The following SPECC1L variants were observed in gnomAD, a reference collection of about 807,000 sequenced individuals.
The protein encoded by SPECC1L is sperm antigen with calponin homology and coiled-coil domains 1 like, also known as cytospin-A.
SPECC1L carries 40 observed loss-of-function variants against 116.8 expected under a neutral mutation model. The ratio of observed to expected loss-of-function variants is 0.34; its 90% CI spans 0.27 to 0.45. The LOEUF (loss-of-function observed/expected upper bound fraction) is 0.45. SPECC1L is among the 20% of genes least tolerant of loss of function. The pLI is 1.00. For missense variants in SPECC1L, 1,110 were observed against 1,373.6 expected, an observed-to-expected ratio of 0.81 and a Z score of 3.03; for synonymous variants, 504 against 500.6, an observed-to-expected ratio of 1.01 and a Z score of -0.09.
intron 3 of SPECC1L, among the ~76,000 whole-genome samples, chr22:24,307,549 C>T (rs1047486606): frequency 6.6e-6 from 1 of 151,704 alleles, no homozygotes; most frequent in Non-Finnish European, 1.5e-5. Context: ...TAATGTAGCT[C>T]AATTTATTAA....
At chr22:24,280,576 CATTTT>C (rs2048922346) in intron 2 of SPECC1L, among the ~76,000 whole-genome samples, 1 of 138,806 alleles carries the variant, frequency 7.2e-6, no homozygotes, top group African/African-American at 2.7e-5. Flanking sequence ...GTTTCAATAA[CATTTT>C]TTTTTTTTTT....
At chr22:24,333,859 A>G (rs905910423) in intron 8 of SPECC1L, among the ~76,000 whole-genome samples, 1 of 152,008 alleles carries the variant, frequency 6.6e-6, no homozygotes, top group African/African-American at 2.4e-5. Flanking sequence ...ACTCAGATGA[A>G]AATGGAATTT....
chr22:24,406,219 C>T (rs2146799739), intron 14 of SPECC1L, among the ~76,000 whole-genome samples: 1 of 152,246 alleles, frequency 6.6e-6, no homozygotes, highest in Non-Finnish European at 1.5e-5. Flanking sequence ...GACAGAGCAC[C>T]AGGCTGCTCC....
intron 10 of SPECC1L, among the ~76,000 whole-genome samples, chr22:24,344,595 A>G (rs2041251647): frequency 2.3e-5 from 1 of 44,334 alleles, no homozygotes; most frequent in South Asian, 4.5e-4. Flanking sequence ...ATAAGACCAA[A>G]AAAAAAAAAA....
chr22:24,290,578 A>T (rs1349071029), intron 2 of SPECC1L, among the ~76,000 whole-genome samples: 1 of 152,198 alleles, frequency 6.6e-6, no homozygotes, highest in African/African-American at 2.4e-5. Flanking sequence ...CTGGATTCAG[A>T]CTGAGCAGAG....
intron 11 of SPECC1L, among the ~76,000 whole-genome samples, chr22:24,352,970 G>A (rs1247367082): frequency 1.3e-5 from 2 of 152,180 alleles, no homozygotes; most frequent in Non-Finnish European, 2.9e-5. Context: ...CACAAAGTAA[G>A]TTATAATCAC....
At chr22:24,275,163 C>T (rs938162706) in intron 1 of SPECC1L, among the ~76,000 whole-genome samples, 5 of 152,256 alleles carry the variant, frequency 3.3e-5, no homozygotes, top group South Asian at 2.1e-4. Flanking sequence ...CACTATGTCT[C>T]GTCTGCGGCC....
chr22:24,365,721 G>T, intron 13 of SPECC1L, 89 bp downstream of exon 13: 1 of 1,457,460 alleles, frequency 6.9e-7, no homozygotes, highest in South Asian at 1.1e-5. Context: ...GATGGCATTT[G>T]AGCACTGTGA....
chr22:24,353,361 G>T (rs183945665), intron 11 of SPECC1L, among the ~76,000 whole-genome samples: 176 of 152,218 alleles, frequency 1.2e-3, no homozygotes, highest in African/African-American at 4.0e-3. Context: ...CAGTTATTTT[G>T]CAGAATGTCT....
chr22:24,293,305 T>G (rs1263775045), intron 2 of SPECC1L, among the ~76,000 whole-genome samples: 2 of 151,440 alleles, frequency 1.3e-5, no homozygotes, highest in African/African-American at 4.9e-5. Context: ...GTACAAAAAT[T>G]AACGGGGCGT....
At chr22:24,411,030 C>CA (rs58337803) in intron 14 of SPECC1L, among the ~76,000 whole-genome samples, 8,715 of 150,166 alleles carry the variant, frequency 0.058, 360 homozygotes, top group Non-Finnish European at 0.09. Context: ...ACTGAAAATA[C>CA]AAAAAAAAAT....
intron 14 of SPECC1L, among the ~76,000 whole-genome samples, chr22:24,390,471 A>G (rs1317924078): frequency 6.6e-6 from 1 of 152,254 alleles, no homozygotes; most frequent in Non-Finnish European, 1.5e-5. Context: ...CTGGCAGTAG[A>G]TAAGAGTTTT....
intron 14 of SPECC1L, among the ~76,000 whole-genome samples, chr22:24,375,559 C>T (rs527256899): frequency 5.3e-4 from 80 of 152,300 alleles, no homozygotes; most frequent in African/African-American, 1.6e-3. Flanking sequence ...GATCATCTCA[C>T]TAGACACTGT....
chr22:24,326,527 G>A (rs529983374), intron 6 of SPECC1L, among the ~76,000 whole-genome samples: 1 of 152,292 alleles, frequency 6.6e-6, no homozygotes, highest in South Asian at 2.1e-4. Flanking sequence ...TTCGTTTGCA[G>A]GTTGAGTCTG....
At chr22:24,361,284 A>G (rs1165484743) in intron 11 of SPECC1L, among the ~76,000 whole-genome samples, 1 of 152,188 alleles carries the variant, frequency 6.6e-6, no homozygotes. Flanking sequence ...CAGCCCTTCA[A>G]GAGGCTGAGG....
At chr22:24,345,401 CATTT>C (rs1311595556) in intron 10 of SPECC1L, among the ~76,000 whole-genome samples, 1 of 151,916 alleles carries the variant, frequency 6.6e-6, no homozygotes, top group Non-Finnish European at 1.5e-5. Context: ...AGACTGCAAA[CATTT>C]ATTAAGATAT....
At chr22:24,365,437 T>C in intron 12 of SPECC1L, 39 bp from the exon 13 acceptor site, 5 of 1,604,574 alleles carry the variant, frequency 3.1e-6, no homozygotes, top group Non-Finnish European at 4.3e-6. Flanking sequence ...CAGTCTAAAA[T>C]GTTTTTGCTA....
At chr22:24,412,355 G>A (rs1166144073) in intron 15 of SPECC1L, 1 of 502,720 alleles carries the variant, frequency 2.0e-6, no homozygotes, top group Non-Finnish European at 3.6e-6. Flanking sequence ...AGCTTTTGGG[G>A]GTGCGTGTTC....
At chr22:24,272,437 C>T (rs1601472182) in intron 1 of SPECC1L, among the ~76,000 whole-genome samples, 2 of 152,196 alleles carry the variant, frequency 1.3e-5, no homozygotes, top group East Asian at 3.9e-4. Flanking sequence ...GTTTGGGAGG[C>T]CGAGGCGGGT....
Sources: gnomAD v4.1 joint callset for allele counts (sites outside exome capture counted in the v4.1 genomes callset) on GRCh38, gnomAD v4.1.1 for gene constraint, MANE v1.5 for transcripts, NCBI Gene and HGNC (gene_info 2026-07-23, HGNC 2026-07-21) for gene names.